NFIL3: variants seen among roughly 807,000 people sequenced by gnomAD.
NFIL3 encodes the protein nuclear factor, interleukin 3 regulated, also known as nuclear factor interleukin-3-regulated protein.
In NFIL3, 5 loss-of-function variants were observed where a neutral mutation model predicts 10.0. That is an observed-to-expected ratio of 0.50 (90% confidence interval 0.26 to 1.06). NFIL3 has a LOEUF of 1.06. Among genes scored for constraint, NFIL3 ranks in the 50% least tolerant of loss-of-function variants. The pLI is 0.13. For synonymous variants in NFIL3, 202 were observed against 206.5 expected, an observed-to-expected ratio of 0.98 and a Z score of 0.19; for missense variants, 436 against 547.6, an observed-to-expected ratio of 0.80 and a Z score of 2.03.
the NFIL3 span, among the ~76,000 whole-genome samples, chr9:91,441,868 C>T: frequency 2.7e-4 from 41 of 152,180 alleles, no homozygotes; most frequent in East Asian, 6.4e-3. Context: ...TGGTAGCTTT[C>T]GTTATTTTTG....
the NFIL3 span, among the ~76,000 whole-genome samples, chr9:91,440,670 C>T: frequency 4.6e-5 from 7 of 152,030 alleles, no homozygotes; most frequent in Non-Finnish European, 8.8e-5. Context: ...AGAACTGCTG[C>T]TGCTGCATCC....
At chr9:91,469,585 G>C in the NFIL3 span, among the ~76,000 whole-genome samples, 1 of 152,332 alleles carries the variant, frequency 6.6e-6, no homozygotes, top group South Asian at 2.1e-4. Context: ...GGAGTGGGGA[G>C]AGAGAGCATC....
chr9:91,477,787 T>A, the NFIL3 span, among the ~76,000 whole-genome samples: 1 of 152,190 alleles, frequency 6.6e-6, no homozygotes, highest in African/African-American at 2.4e-5. Context: ...GTGGGGAGAT[T>A]GAGCACATTC....
chr9:91,442,183 T>C, the NFIL3 span, among the ~76,000 whole-genome samples: 1 of 152,208 alleles, frequency 6.6e-6, no homozygotes, highest in Non-Finnish European at 1.5e-5. Flanking sequence ...TTATTTCTCC[T>C]TCATTTCTTA....
At chr9:91,470,783 T>C in the NFIL3 span, among the ~76,000 whole-genome samples, 2 of 152,210 alleles carry the variant, frequency 1.3e-5, no homozygotes, top group African/African-American at 4.8e-5. Context: ...ATTTACCCAG[T>C]AGTCATTAAG....
upstream of NFIL3, among the ~76,000 whole-genome samples, chr9:91,424,698 C>T (rs1193831510): frequency 6.6e-6 from 1 of 152,228 alleles, no homozygotes; most frequent in African/African-American, 2.4e-5. Flanking sequence ...GGTCCATCTA[C>T]CCACCCCCGC....
chr9:91,461,990 CAACATT>C, the NFIL3 span, among the ~76,000 whole-genome samples: 1 of 151,930 alleles, frequency 6.6e-6, no homozygotes, highest in African/African-American at 2.4e-5. Context: ...GGAATCTAGT[CAACATT>C]AACAAAATGG....
At chr9:91,458,033 G>C in the NFIL3 span, among the ~76,000 whole-genome samples, 10 of 151,494 alleles carry the variant, frequency 6.6e-5, no homozygotes, top group African/African-American at 2.4e-4. Flanking sequence ...ATGTTATATT[G>C]TTCTTTTTAT....
the NFIL3 span, among the ~76,000 whole-genome samples, chr9:91,463,576 C>T: frequency 4.0e-5 from 6 of 151,898 alleles, no homozygotes; most frequent in South Asian, 2.1e-4. Context: ...AAGAATGGCC[C>T]GGCACATGAC....
the NFIL3 span, among the ~76,000 whole-genome samples, chr9:91,478,287 A>T: frequency 6.6e-6 from 1 of 152,140 alleles, no homozygotes; most frequent in Non-Finnish European, 1.5e-5. Flanking sequence ...TAGGTACACC[A>T]ATCAGACACA....
chr9:91,441,073 G>C, the NFIL3 span, among the ~76,000 whole-genome samples: 1 of 152,010 alleles, frequency 6.6e-6, no homozygotes, highest in South Asian at 2.1e-4. Flanking sequence ...TTTCTGTGTA[G>C]TTGATCTATT....
the NFIL3 span, among the ~76,000 whole-genome samples, chr9:91,453,804 T>C: frequency 6.6e-6 from 1 of 152,230 alleles, no homozygotes; most frequent in Admixed American, 6.5e-5. Flanking sequence ...AGGGCAAGTC[T>C]TACTGACTTG....
chr9:91,451,427 T>A, the NFIL3 span, among the ~76,000 whole-genome samples: 1 of 152,214 alleles, frequency 6.6e-6, no homozygotes, highest in Non-Finnish European at 1.5e-5. Context: ...ACTCTTAACA[T>A]ACCACATTTT....
chr9:91,444,056 G>A, the NFIL3 span, among the ~76,000 whole-genome samples: 21,374 of 152,040 alleles, frequency 0.14, 1,645 homozygotes, highest in East Asian at 0.34. Context: ...AAAATTCCAT[G>A]TTGCAAGCAT....
chr9:91,477,645 G>A, the NFIL3 span, among the ~76,000 whole-genome samples: 1 of 151,992 alleles, frequency 6.6e-6, no homozygotes, highest in African/African-American at 2.4e-5. Flanking sequence ...AAAAGTACTG[G>A]GGAAAAAATT....
chr9:91,428,578 A>G (rs1421539303), upstream of NFIL3, among the ~76,000 whole-genome samples: 1 of 152,260 alleles, frequency 6.6e-6, no homozygotes, highest in Non-Finnish European at 1.5e-5. Context: ...GCTTTAAAGT[A>G]TGGGAAGCCA....
At chr9:91,433,338 T>C in the NFIL3 span, among the ~76,000 whole-genome samples, 1 of 152,234 alleles carries the variant, frequency 6.6e-6, no homozygotes, top group Non-Finnish European at 1.5e-5. Context: ...CACTTGGGAT[T>C]GTAGTCATGC....
At position 91,421,991 on chromosome 9, in the gene NFIL3, T is replaced by A. The variant is rs536265655; in HGVS notation, c.-173+1649A>T. On this transcript the variant is annotated intron_variant, in intron 1 of 1. Transcript: ENST00000297689. ...CCAGGGTATCCAGACAAAAAAACAA[T>A]CTACTAACCTATATCTGTTTCCCAT... Among the ~76,000 whole-genome samples, 325 of 152,220 alleles carry A rather than the reference T, an allele frequency of 2.1e-3. 2 individuals are homozygous for A. The highest frequency in any genetic ancestry group is 7.6e-3 in the African/African-American group (316 of 41,520).
the NFIL3 span, among the ~76,000 whole-genome samples, chr9:91,433,619 A>T: frequency 1.3e-5 from 2 of 152,232 alleles, no homozygotes; most frequent in Non-Finnish European, 2.9e-5. Context: ...CCATTTGACC[A>T]TGAGGGAAGC....
Sources: allele counts gnomAD v4.1 joint callset (sites outside exome capture counted in the v4.1 genomes callset), GRCh38; gene constraint gnomAD v4.1.1; transcripts MANE v1.5; gene names NCBI Gene and HGNC (gene_info 2026-07-23, HGNC 2026-07-21).